CDCP1: variants seen among roughly 807,000 people sequenced by gnomAD.
CDCP1 encodes the protein CUB domain-containing protein 1.
A neutral mutation model predicts 60.2 loss-of-function variants in CDCP1; 29 were observed. The observed-to-expected ratio is 0.48, with a 90% CI of 0.36 to 0.66. The LOEUF is 0.66. Ranked by LOEUF, CDCP1 falls within the 30% of genes least tolerant of loss-of-function variation. The pLI is 0.00. For missense variants in CDCP1, 876 were observed against 1,074.3 expected (o/e 0.82, Z 2.58); for synonymous variants, 387 against 431.1 (o/e 0.90, Z 1.27).
intron 5 of CDCP1, 78 bp downstream of exon 5, chr3:45,095,269 A>G: frequency 7.6e-7 from 1 of 1,315,150 alleles, no homozygotes; most frequent in Non-Finnish European, 1.1e-6. Flanking sequence ...CAACCTACCC[A>G]GGGAACCCCA....
intron 1 of CDCP1, among the ~76,000 whole-genome samples, chr3:45,123,207 G>A (rs749557047): frequency 2.0e-5 from 3 of 152,086 alleles, no homozygotes; most frequent in Non-Finnish European, 4.4e-5. Context: ...GAAACCTTAC[G>A]AGGGTTAAAT....
chr3:45,135,426 A>G (rs1176598821), intron 1 of CDCP1, among the ~76,000 whole-genome samples: 1 of 152,168 alleles, frequency 6.6e-6, no homozygotes, highest in African/African-American at 2.4e-5. Context: ...TCAAGGGAGG[A>G]AAAGGAGGCT....
intron 1 of CDCP1, among the ~76,000 whole-genome samples, chr3:45,137,064 A>G (rs530459435): frequency 6.2e-4 from 95 of 152,376 alleles, no homozygotes; most frequent in Non-Finnish European, 9.7e-4. Context: ...GAAGCACACA[A>G]TAAAGTAAAA....
intron 1 of CDCP1, among the ~76,000 whole-genome samples, chr3:45,143,422 T>C (rs1699328162): frequency 6.6e-6 from 1 of 152,202 alleles, no homozygotes; most frequent in South Asian, 2.1e-4. Flanking sequence ...TGGCTATTGT[T>C]GGACGTGTTC....
Position 45,112,377 on chromosome 3 carries a change from G to A in CDCP1, c.361C>T (p.Leu121Phe), listed in dbSNP as rs751867858. 1 of 1,614,216 alleles carries A rather than the reference G, an allele frequency of 6.2e-7. No homozygotes were observed. Residue 121 changes from leucine (L) to phenylalanine (F), a missense_variant, in exon 3 of 9, where the codon CTC becomes TTC. Physicochemically the swap from Leu to Phe is conservative, Grantham distance 22 (BLOSUM62 0). Around this residue, in one of 2 missense-constraint regions of CDCP1, gnomAD observed 726 missense variants for 935.7 expected, o/e 0.78. Coordinates refer to ENST00000296129, the MANE Select transcript of CDCP1 (RefSeq NM_022842.5). ...LQPSTSLLPT[L>F]NRTFIWDVKA... The stretch of plus-strand genomic sequence containing the variant: ...ACATCCCAGATGAAAGTTCTGTTGA[G>A]GGTAGGCAACAACGATGTCGAGGGC...
At chr3:45,128,381 T>C (rs1699035913) in intron 1 of CDCP1, among the ~76,000 whole-genome samples, 1 of 152,206 alleles carries the variant, frequency 6.6e-6, no homozygotes, top group Admixed American at 6.5e-5. Flanking sequence ...GGTGCTGGCA[T>C]ACAAAGATGA....
At chr3:45,087,251 C>T (rs546440304) in intron 8 of CDCP1, among the ~76,000 whole-genome samples, 4 of 152,336 alleles carry the variant, frequency 2.6e-5, no homozygotes, top group Admixed American at 2.6e-4. Context: ...GGCATTGTCT[C>T]TCCTCATTCT....
chr3:45,134,624 G>A (rs1699163302), intron 1 of CDCP1, among the ~76,000 whole-genome samples: 1 of 152,214 alleles, frequency 6.6e-6, no homozygotes. Flanking sequence ...CAATCTTAAA[G>A]TGGGGGACGG....
In CDCP1 at chr3:45,083,919, AAAAAAG is replaced by A. The variant is rs748121042; in HGVS notation, c.*1713_*1718del. The A allele has an allele frequency of 3.3e-5, 5 of 152,024 alleles. No individual in the cohort carries two copies. Among genetic ancestry groups the A allele is most frequent in the African/African-American group, 9.7e-5 (4 of 41,360 alleles). The allele number at this position is 152,024 out of a possible 1,614,324, so 9.4% of individuals were successfully genotyped here. The stretch of plus-strand genomic sequence containing the variant: ...ATGAGATCCTGTCTCACATTAAAAA[AAAAAAG>A]AAAAAGAAAAAGAAAAAAAAGAAAA... On this transcript the variant is annotated 3_prime_UTR_variant, in exon 9 of 9. Transcript: ENST00000296129.
At chr3:45,108,379 A>G (rs1012507158) in intron 4 of CDCP1, among the ~76,000 whole-genome samples, 1 of 152,116 alleles carries the variant, frequency 6.6e-6, no homozygotes, top group African/African-American at 2.4e-5. Flanking sequence ...ACACCTCTCA[A>G]CGGCAGTTAT....
Position 45,083,408 on chromosome 3 carries a change from T to C in CDCP1, c.*2230A>G, listed in dbSNP as rs1698134965. ...GAGACTATAAAATTCCTTTCATTTA[T>C]GCCATGTGAACAAGTTGAGGCGGTG... On this transcript the variant is annotated 3_prime_UTR_variant, in exon 9 of 9. Coordinates refer to ENST00000296129, the MANE Select transcript of CDCP1 (RefSeq NM_022842.5). 1 of 152,252 alleles carries C rather than the reference T, an allele frequency of 6.6e-6. No homozygotes were observed. Among genetic ancestry groups the C allele is most frequent in the African/African-American group, 2.4e-5 (1 of 41,468 alleles). 9.4% of individuals were successfully genotyped at this position (152,252 alleles called of 1,614,324 possible). A position where few individuals can be genotyped will look rare whatever the true frequency, so the allele number is the denominator to read the frequency against.
chr3:45,122,888 A>AG (rs1403359145), intron 1 of CDCP1, among the ~76,000 whole-genome samples: 1 of 152,166 alleles, frequency 6.6e-6, no homozygotes, highest in African/African-American at 2.4e-5. Context: ...CCCTGCCCTT[A>AG]GGGAATTAAT....
intron 2 of CDCP1, 48 bp from the exon 3 acceptor site, chr3:45,112,493 C>A: frequency 6.3e-7 from 1 of 1,578,546 alleles, no homozygotes; most frequent in African/African-American, 1.3e-5. Context: ...GCTCCAAGGC[C>A]CCACACCACT....
At chr3:45,122,832 G>A (rs1165418451) in intron 1 of CDCP1, among the ~76,000 whole-genome samples, 1 of 152,138 alleles carries the variant, frequency 6.6e-6, no homozygotes, top group African/African-American at 2.4e-5. Context: ...ATCTATTCTA[G>A]GGACACACTT....
rs142058675 is a variant in CDCP1 at position 45,126,124 on chromosome 3, T to C, written c.83-7503A>G. ...TGTCTCTCTCTCTTTCTTTCTTTCT[T>C]TCTTTCTTTCTTTCTTTCTTTCTTT... is the stretch of plus-strand genomic sequence containing the variant. On this transcript the variant is annotated intron_variant, in intron 1 of 8. Coordinates refer to ENST00000296129, the MANE Select transcript of CDCP1 (RefSeq NM_022842.5). 7.3e-4 allele frequency among the ~76,000 whole-genome samples: 91 copies of C among 124,640 alleles called. 1 individual carries two copies. In the East Asian group the frequency reaches 0.023, roughly 32 times the overall value. 81.8% of individuals were successfully genotyped at this position (124,640 alleles called of 152,430 possible).
At chr3:45,142,087 C>T (rs926315285) in intron 1 of CDCP1, among the ~76,000 whole-genome samples, 8 of 152,194 alleles carry the variant, frequency 5.3e-5, no homozygotes, top group Non-Finnish European at 1.2e-4. Flanking sequence ...CCCCCCTCAG[C>T]ATCCCAAAGT....
At chr3:45,114,413 C>CTT (rs10688307) in intron 2 of CDCP1, among the ~76,000 whole-genome samples, 49,619 of 143,772 alleles carry the variant, frequency 0.35, 8,851 homozygotes, top group African/African-American at 0.44. Flanking sequence ...CATTAACTCT[C>CTT]TTTTTTTTTT....
chr3:45,092,373 G>C (rs1698310099), intron 6 of CDCP1, among the ~76,000 whole-genome samples: 1 of 152,142 alleles, frequency 6.6e-6, no homozygotes, highest in African/African-American at 2.4e-5. Context: ...TCAGGTTCTG[G>C]GAAGAGTTCC....
At chr3:45,126,111 T>TTTCTTTCCTTCC (rs1491243193) in intron 1 of CDCP1, among the ~76,000 whole-genome samples, 22 of 94,386 alleles carry the variant, frequency 2.3e-4, no homozygotes, top group South Asian at 1.5e-3. Flanking sequence ...TCTCTCTCTC[T>TTTCTTTCCTTCC]TTCTTTCTTT....
Sources: gnomAD v4.1 joint callset for allele counts (sites outside exome capture counted in the v4.1 genomes callset) on GRCh38, gnomAD v4.1.1 for gene constraint, gnomAD v4.1.1 regional missense constraint, MANE v1.5 for transcripts, NCBI Gene and HGNC (gene_info 2026-07-23, HGNC 2026-07-21) for gene names.